CCN5: variants seen among roughly 807,000 people sequenced by gnomAD.
CCN5 encodes cellular communication network factor 5.
A neutral mutation model predicts 18.7 loss-of-function variants in CCN5; 17 were observed. The ratio of observed to expected loss-of-function variants is 0.91; its 90% CI spans 0.62 to 1.36. The LOEUF (loss-of-function observed/expected upper bound fraction) is 1.36, where lower values mean the gene tolerates loss of function less well. Ranked by LOEUF, CCN5 falls within the 40% of genes most tolerant of loss-of-function variation. The pLI is 0.00. For synonymous variants in CCN5, 135 were observed against 145.2 expected, an observed-to-expected ratio of 0.93 and a Z score of 0.50; for missense variants, 367 against 342.9, an observed-to-expected ratio of 1.07 and a Z score of -0.56.
chr20:44,715,254 TGTGTGTGAGCGCGCGC>T (rs1322507382), upstream of CCN5: 7 of 581,474 alleles, frequency 1.2e-5, no homozygotes, highest in African/African-American at 1.3e-4. Flanking sequence ...TGTGTGTGTG[TGTGTGTGAGCGCGCGC>T]GCGCGCGCGC....
rs1197468131 is a variant in CCN5, at chr20:44,727,286, T to G, written c.732T>G (p.Ser244Arg). ...CCTGCCCACCCTCCAGGGGTCGCAG[T>G]CCACAAAACAGTGCCTTCTAGAGCC... The part of the protein sequence containing the change: ...SRPCPPSRGR[S>R]PQNSAF The change falls in exon 4 of 4, where the codon AGT (serine) becomes AGG (arginine). Residue 244 changes from serine to arginine, a missense_variant. Coordinates refer to ENST00000190983, the MANE Select transcript of CCN5 (RefSeq NM_003881.4). 1 of 1,612,392 alleles carries G rather than the reference T, an allele frequency of 6.2e-7. No homozygotes were observed.
rs1307171627 is a variant in CCN5 at position 44,720,065 on chromosome 20, G to A, written c.229G>A (p.Val77Ile). 6.3e-7 allele frequency: 1 copy of A among 1,584,960 alleles called. No individual in the cohort carries two copies. Among genetic ancestry groups the A allele is most frequent in the South Asian group, 1.1e-5 (1 of 88,582 alleles). Residue 77 changes from valine (V) to isoleucine (I), a missense_variant, in exon 2 of 4, where the codon GTC becomes ATC. Coordinates refer to ENST00000190983, the MANE Select transcript of CCN5 (RefSeq NM_003881.4). ...CGTCTGCGACGCCAGCCAGGGCCTG[G>A]TCTGCCAGCCCGGGGCAGGACCCGG... ...LHVCDASQGL[V>I]CQPGAGPGGR...
At chr20:44,716,487 T>C (rs1437576658) in intron 1 of CCN5, 1 of 152,238 alleles carries the variant, frequency 6.6e-6, no homozygotes, top group Non-Finnish European at 1.5e-5. Context: ...CCAAAGGGGA[T>C]GGGTAGGGCA....
intron 2 of CCN5, chr20:44,721,154 G>A (rs555808198): frequency 6.6e-6 from 1 of 152,032 alleles, no homozygotes; most frequent in Non-Finnish European, 1.5e-5. Flanking sequence ...GAACGAAAGA[G>A]AGAGAGAGAG....
intron 2 of CCN5, chr20:44,724,466 G>A: frequency 2.0e-6 from 1 of 507,974 alleles, no homozygotes; most frequent in Non-Finnish European, 3.4e-6. Flanking sequence ...GCAAGAAGAA[G>A]TGAAATCACT....
intron 3 of CCN5, among the ~76,000 whole-genome samples, chr20:44,726,881 C>A (rs1568882434): frequency 6.6e-6 from 1 of 152,232 alleles, no homozygotes; most frequent in Non-Finnish European, 1.5e-5. Flanking sequence ...TTATGGAAAT[C>A]TTACAAGTAC....
intron 2 of CCN5, chr20:44,723,763 G>C (rs1367050017): frequency 1.3e-5 from 2 of 152,276 alleles, no homozygotes; most frequent in East Asian, 3.9e-4. Flanking sequence ...GGCAGGAACT[G>C]TCCTCTTTCT....
Position 44,727,345 on chromosome 20 carries a change from C to T in CCN5, c.*38C>T, listed in dbSNP as rs781540466. On this transcript the variant is annotated 3_prime_UTR_variant, in exon 4 of 4. Coordinates refer to ENST00000190983, the MANE Select transcript of CCN5 (RefSeq NM_003881.4). ...AATGGGGACACGGTGTCCACCATCC[C>T]CAGCTGGTGGCCCTGTGCCTGGGCC... 47 of 1,572,698 alleles carry T rather than the reference C, an allele frequency of 3.0e-5. 1 individual carries two copies. The South Asian group carries it at 4.5e-4, about 15-fold the overall frequency.
chr20:44,727,389 G>T lies in CCN5; in HGVS notation c.*82G>T. The T allele has an allele frequency of 1.3e-6, 2 of 1,483,094 alleles. No homozygotes were observed. Among genetic ancestry groups the T allele is most frequent in the Non-Finnish European group, 1.8e-6 (2 of 1,112,666 alleles). The allele number at this position is 1,483,094 out of a possible 1,614,324, so 91.9% of individuals were successfully genotyped here. On this transcript the variant is annotated 3_prime_UTR_variant, in exon 4 of 4. Coordinates refer to ENST00000190983, the MANE Select transcript of CCN5 (RefSeq NM_003881.4). ...CTGGGCCCTGGGCTGATGGAAGATG[G>T]TCCGTGCCCAGGCCCTTGGCTGCAG...
intron 2 of CCN5, chr20:44,720,728 C>T (rs1313657109): frequency 1.3e-5 from 2 of 153,082 alleles, no homozygotes; most frequent in East Asian, 3.9e-4. Flanking sequence ...CTGCTGGGAT[C>T]CTGGGTTTGC....
chr20:44,724,541 A>G, intron 2 of CCN5, 197 bp from the exon 3 acceptor site: 1 of 764,594 alleles, frequency 1.3e-6, no homozygotes, highest in Non-Finnish European at 2.0e-6. Context: ...GTCTTCTTGC[A>G]ATCCCTGTGC....
Position 44,727,224 on chromosome 20 carries a change from C to G in CCN5, c.670C>G (p.Arg224Gly). 1.2e-6 allele frequency: 2 copies of G among 1,613,696 alleles called. No homozygotes were observed. The highest frequency in any genetic ancestry group is 1.7e-6 in the Non-Finnish European group (2 of 1,180,030). Residue 224 changes from arginine (R) to glycine (G), a missense_variant, in exon 4 of 4, where the codon CGA becomes GGA. Physicochemically the swap from Arg to Gly is moderately radical, Grantham distance 125 (BLOSUM62 -2). Coordinates refer to ENST00000190983, the MANE Select transcript of CCN5 (RefSeq NM_003881.4). The stretch of plus-strand genomic sequence containing the variant: ...GGTGTCCAACCAGAACCGCTTCTGC[C>G]GACTGGAGACCCAGCGCCGCCTGTG... ...TRVSNQNRFC[R>G]LETQRRLCLS...
At chr20:44,719,725 C>T (rs1600990130) in intron 1 of CCN5, among the ~76,000 whole-genome samples, 172 bp from the exon 2 acceptor site, 1 of 152,234 alleles carries the variant, frequency 6.6e-6, no homozygotes, top group East Asian at 1.9e-4. Context: ...ACATGCCATA[C>T]TGCCTCTTAG....
intron 1 of CCN5, 108 bp downstream of exon 1, chr20:44,715,558 C>A (rs2065854280): frequency 2.4e-6 from 3 of 1,226,032 alleles, no homozygotes; most frequent in Non-Finnish European, 3.5e-6. Context: ...CTCCAGGGCC[C>A]CACATTGGGC....
intron 1 of CCN5, among the ~76,000 whole-genome samples, chr20:44,719,471 A>G (rs895247236): frequency 6.6e-6 from 1 of 152,190 alleles, no homozygotes; most frequent in Non-Finnish European, 1.5e-5. Flanking sequence ...CCTGGGTAAC[A>G]TGGTGAAACC....
chr20:44,725,086 A>G, intron 3 of CCN5, 94 bp downstream of exon 3: 3 of 1,414,070 alleles, frequency 2.1e-6, no homozygotes, highest in Non-Finnish European at 1.8e-6. Context: ...CCTGGGTACC[A>G]GGACCCAGGG....
intron 2 of CCN5, 200 bp downstream of exon 2, chr20:44,720,313 T>C (rs2065890585): frequency 4.9e-6 from 3 of 613,340 alleles, no homozygotes; most frequent in Admixed American, 3.2e-5. Flanking sequence ...GCTTAAACCA[T>C]CTCACTACCC....
chr20:44,725,062 G>C, intron 3 of CCN5, 70 bp downstream of exon 3: 1 of 1,450,680 alleles, frequency 6.9e-7, no homozygotes, highest in Non-Finnish European at 9.1e-7. Flanking sequence ...AGGGGGTGGG[G>C]TGGGGGGCGG....
intron 2 of CCN5, among the ~76,000 whole-genome samples, chr20:44,722,580 C>G (rs994586557): frequency 2.0e-5 from 3 of 151,918 alleles, no homozygotes; most frequent in East Asian, 3.9e-4. Flanking sequence ...GATTCTCACG[C>G]CTCAGCCTCC....
Sources: gnomAD v4.1 joint callset for allele counts (sites outside exome capture counted in the v4.1 genomes callset) on GRCh38, gnomAD v4.1.1 for gene constraint, MANE v1.5 for transcripts, NCBI Gene and HGNC (gene_info 2026-07-23, HGNC 2026-07-21) for gene names.